Variants in EEF2KMT observed in about 807,000 individuals in gnomAD.
EEF2KMT encodes the protein protein-lysine N-methyltransferase EEF2KMT.
In EEF2KMT, 30 loss-of-function variants were observed where a neutral mutation model predicts 35.1. That is an observed-to-expected ratio of 0.85 (90% CI 0.64 to 1.16). EEF2KMT has a LOEUF of 1.16. EEF2KMT is among the 50% of genes most tolerant of loss of function. EEF2KMT has a pLI of 0.00. For synonymous variants in EEF2KMT, 190 were observed against 187.7 expected (o/e 1.01, Z -0.10); for missense variants, 499 against 438.2 (o/e 1.14, Z -1.24).
intron 4 of EEF2KMT, among the ~76,000 whole-genome samples, chr16:5,091,063 T>C (rs1567179506): frequency 6.6e-6 from 1 of 152,044 alleles, no homozygotes; most frequent in Non-Finnish European, 1.5e-5. Flanking sequence ...TACAGGCGTG[T>C]GCCACCATGT....
intron 1 of EEF2KMT, among the ~76,000 whole-genome samples, chr16:5,097,120 G>A (rs1327560425): frequency 1.3e-5 from 2 of 152,218 alleles, no homozygotes; most frequent in Non-Finnish European, 2.9e-5. Context: ...CAGGTCCCCA[G>A]GGCGAGGAGA....
At chr16:5,097,577 G>A in intron 1 of EEF2KMT, 67 bp downstream of exon 1, 1 of 1,527,726 alleles carries the variant, frequency 6.5e-7, no homozygotes. Flanking sequence ...TCAGCACGGA[G>A]ACCCGTCCCG....
In EEF2KMT at chr16:5,089,098, G is replaced by T. The variant is rs761051598; in HGVS notation, c.892+9C>A. On this transcript the variant is annotated intron_variant, in intron 7 of 7. Transcript: ENST00000427587. ...GACCATGCAGGCCCGGGTGGGCGTG[G>T]AGGCTCACCTAGCTCGGTGGTGAAC... 32 of 1,612,278 alleles carry T rather than the reference G, an allele frequency of 2.0e-5. No individual in the cohort carries two copies. The highest frequency in any genetic ancestry group is 2.5e-5 in the Non-Finnish European group (29 of 1,179,816).
At chr16:5,095,945 C>G (rs1395103751) in intron 1 of EEF2KMT, among the ~76,000 whole-genome samples, 2 of 151,878 alleles carry the variant, frequency 1.3e-5, no homozygotes, top group African/African-American at 4.8e-5. Flanking sequence ...CAGACTGTCT[C>G]GGCTGGTATG....
intron 4 of EEF2KMT, 26 bp downstream of exon 4, chr16:5,091,768 G>T (rs762863799): frequency 6.8e-6 from 11 of 1,610,826 alleles, no homozygotes; most frequent in Non-Finnish European, 8.5e-6. Flanking sequence ...TGGGCTGTGA[G>T]GGGGAGGAGG....
At chr16:5,093,066 G>A (rs1266144812) in intron 3 of EEF2KMT, among the ~76,000 whole-genome samples, 4 of 152,366 alleles carry the variant, frequency 2.6e-5, no homozygotes, top group Admixed American at 6.5e-5. Flanking sequence ...AACTAGTTCC[G>A]AAGGTATGGC....
Position 5,089,135 on chromosome 16 carries a change from C to G in EEF2KMT, c.864G>C (p.Glu288Asp), listed in dbSNP as rs777022474. 1.9e-6 allele frequency: 3 copies of G among 1,612,828 alleles called. No homozygotes were observed. The highest frequency in any genetic ancestry group is 3.3e-5 in the Admixed American group (2 of 60,026). ...GCTCGGTGGTGAACAGCTGGCACGT[C>G]TCTGGGTTGCGGACGGTAAAGGCCA... ...VYVAFTVRNP[E>D]TCQLFTTELG... Residue 288 changes from glutamate (E) to aspartate (D), a missense_variant, in exon 7 of 8, where the codon GAG becomes GAC. Glu to Asp is a conservative substitution (Grantham distance 45, BLOSUM62 2). Transcript: ENST00000427587.
intron 4 of EEF2KMT, among the ~76,000 whole-genome samples, chr16:5,091,212 G>C (rs578038794): frequency 6.6e-5 from 10 of 152,282 alleles, no homozygotes; most frequent in Admixed American, 2.0e-4. Flanking sequence ...CTCCCTAGTA[G>C]CTGGGATTAC....
At chr16:5,087,559 G>T (rs971811714) in intron 7 of EEF2KMT, among the ~76,000 whole-genome samples, 4 of 152,182 alleles carry the variant, frequency 2.6e-5, no homozygotes, top group African/African-American at 9.6e-5. Flanking sequence ...AACACTTTGG[G>T]AGGCTGAGGC....
Position 5,085,038 on chromosome 16 carries a change from C to T in EEF2KMT, c.*594G>A. 1.4e-6 allele frequency: 2 copies of T among 1,390,340 alleles called. No individual in the cohort carries two copies. The highest frequency in any genetic ancestry group is 2.4e-5 in the East Asian group (1 of 41,694). 86.1% of individuals were successfully genotyped at this position (1,390,340 alleles called of 1,614,324 possible). On this transcript the variant is annotated 3_prime_UTR_variant, in exon 8 of 8. Transcript: ENST00000427587. ...CCTGGTAAAAGAATTGGTTCTGTGA[C>T]CCGGGAAGCTTTGGTTGGCCTTGAT...
chr16:5,093,584 G>A lies in EEF2KMT; in HGVS notation c.160-20C>T, dbSNP rs756116039. The A allele has an allele frequency of 1.8e-5, 29 of 1,611,842 alleles. No individual in the cohort carries two copies. The highest frequency in any genetic ancestry group is 1.2e-4 in the South Asian group (11 of 90,986). On this transcript the variant is annotated intron_variant, in intron 2 of 7. Coordinates refer to ENST00000427587, the MANE Select transcript of EEF2KMT (RefSeq NM_201400.4). ...CACAGTCTACGGCAAAGGACAGAAC[G>A]TTGGTTGCTCGAGAGCCCGTCTTAA...
chr16:5,085,917 G>A (rs1396694764), intron 7 of EEF2KMT, among the ~76,000 whole-genome samples, 185 bp from the exon 8 acceptor site: 1 of 152,190 alleles, frequency 6.6e-6, no homozygotes, highest in Non-Finnish European at 1.5e-5. Context: ...CCAGAAAGCT[G>A]GTTTTGCATA....
rs200182209 is a variant in EEF2KMT at position 5,090,438 on chromosome 16, G to C, written c.470C>G (p.Thr157Ser). 3.1e-6 allele frequency: 5 copies of C among 1,611,996 alleles called. No homozygotes were observed. The South Asian group carries it at 3.3e-5, about 11-fold the overall frequency. Reference sequence around the variant, plus strand: ...CCCTGCGCCCCGAGGTCACCTGTTAGTGAAGACTGCCGGGTTCTCGATGGC... The same window carrying C: ...CCCTGCGCCCCGAGGTCACCTGTTACTGAAGACTGCCGGGTTCTCGATGGC... ...EWAIENPAVFTNRTVLELGSG... is the reference protein window; with the variant it reads ...EWAIENPAVFSNRTVLELGSG... Residue 157 changes from threonine (T) to serine (S), a missense_variant, in exon 5 of 8, where the codon ACT (threonine) becomes AGT (serine). Coordinates refer to ENST00000427587, the MANE Select transcript of EEF2KMT (RefSeq NM_201400.4). This position sits in a 1 kb window ranked among gnomAD's most constrained non-coding sequence, Gnocchi z 4.1.
chr16:5,095,060 C>T (rs966353706), intron 2 of EEF2KMT, among the ~76,000 whole-genome samples: 1 of 152,144 alleles, frequency 6.6e-6, no homozygotes, highest in African/African-American at 2.4e-5. Flanking sequence ...AAAGCAAGGG[C>T]CCATTTAGGT....
At chr16:5,089,327 G>T (rs1482153934) in intron 6 of EEF2KMT, 71 bp from the exon 7 acceptor site, 253 of 1,583,798 alleles carry the variant, frequency 1.6e-4, no homozygotes, top group Middle Eastern at 2.3e-4. Context: ...GTCAGCAGCA[G>T]GGCGAGGCCA....
chr16:5,086,852 A>C (rs1057237126), intron 7 of EEF2KMT: 1 of 152,178 alleles, frequency 6.6e-6, no homozygotes, highest in Non-Finnish European at 1.5e-5. Flanking sequence ...TTTTTAGTAG[A>C]GATGGGGTTT....
rs1194853355 is a variant in EEF2KMT at position 5,097,688 on chromosome 16, G to A, written c.52C>T (p.Arg18Cys). 8 of 1,580,714 alleles carry A rather than the reference G, an allele frequency of 5.1e-6. No individual in the cohort carries two copies. Among genetic ancestry groups the A allele is most frequent in the Non-Finnish European group, 6.8e-6 (8 of 1,168,822 alleles). ...AGTGTGCGTGCCGCCAGGAAGCGGC[G>A]CTCGAAACTCTGCAGCAAGAGTTCG... is the stretch of plus-strand genomic sequence containing the variant. ...GTELLLQSFE[R>C]RFLAARTLRS... The change falls in exon 1 of 8, where the codon CGC (arginine) becomes TGC (cysteine). Residue 18 changes from arginine to cysteine, a missense_variant. Arg to Cys is a radical substitution (Grantham distance 180). Coordinates refer to ENST00000427587, the MANE Select transcript of EEF2KMT (RefSeq NM_201400.4).
At chr16:5,089,376 G>T (rs1957292317) in intron 6 of EEF2KMT, 120 bp from the exon 7 acceptor site, 3 of 1,357,268 alleles carry the variant, frequency 2.2e-6, no homozygotes, top group Non-Finnish European at 3.0e-6. Context: ...GATGCCATTT[G>T]ACCATTTGGG....
chr16:5,090,191 A>C lies in EEF2KMT; in HGVS notation c.635T>G (p.Ile212Ser). 1 of 1,611,840 alleles carries C rather than the reference A, an allele frequency of 6.2e-7. No homozygotes were observed. The highest frequency in any genetic ancestry group is 8.5e-7 in the Non-Finnish European group (1 of 1,179,842). ...CCTGGGGCTGTCTAACTTGGCAGTG[A>C]TGTCTGCCTCTAATGAGAGGCCATT... ...LLNGLSLEADITAKLDSPRVT... is the reference protein window; with the variant it reads ...LLNGLSLEADSTAKLDSPRVT... Residue 212 changes from isoleucine to serine, a missense_variant, in exon 6 of 8, where the codon ATC becomes AGC. Ile to Ser is a moderately radical substitution (Grantham distance 142). Transcript: ENST00000427587. This position sits in a 1 kb window ranked among gnomAD's most constrained non-coding sequence, Gnocchi z 4.1.
Sources: allele counts gnomAD v4.1 joint callset (sites outside exome capture counted in the v4.1 genomes callset), GRCh38; gene constraint gnomAD v4.1.1; non-coding constraint Gnocchi (gnomAD v3.1); transcripts MANE v1.5; gene names NCBI Gene and HGNC (gene_info 2026-07-23, HGNC 2026-07-21).